The following CEP170 variants were observed in gnomAD, a reference collection of about 807,000 sequenced individuals.
The protein encoded by CEP170 is centrosomal protein of 170 kDa.
CEP170 carries 21 observed loss-of-function variants against 151.9 expected under a neutral mutation model. The ratio of observed to expected loss-of-function variants is 0.14; its 90% confidence interval spans 0.10 to 0.20. The LOEUF is 0.20. CEP170 is among the 10% of genes least tolerant of loss of function. CEP170 has a pLI of 1.00. For synonymous variants in CEP170, 356 were observed against 648.8 expected (o/e 0.55, Z 6.86); for missense variants, 964 against 1,892.9 (o/e 0.51, Z 9.11).
At chr1:243,252,372 A>G (rs1184670370) in intron 1 of CEP170, among the ~76,000 whole-genome samples, 1 of 152,190 alleles carries the variant, frequency 6.6e-6, no homozygotes, top group Non-Finnish European at 1.5e-5. Flanking sequence ...TTTTTCAGGA[A>G]TACAATTTTG....
intron 18 of CEP170, chr1:243,128,765 C>T (rs1372188688): frequency 6.5e-6 from 1 of 153,506 alleles, no homozygotes; most frequent in Non-Finnish European, 1.4e-5. Context: ...CAGAGTTTCG[C>T]CATATTGGCC....
At chr1:243,239,993 C>T (rs941557577) in intron 1 of CEP170, among the ~76,000 whole-genome samples, 1 of 152,144 alleles carries the variant, frequency 6.6e-6, no homozygotes, top group Non-Finnish European at 1.5e-5. Flanking sequence ...AGAAATCTGA[C>T]ATAAAATTCA....
At chr1:243,140,938 C>G (rs1276632981) in intron 15 of CEP170, among the ~76,000 whole-genome samples, 2 of 152,118 alleles carry the variant, frequency 1.3e-5, no homozygotes, top group Non-Finnish European at 2.9e-5. Context: ...GCCACCAGGA[C>G]GATCCTTAAG....
At chr1:243,152,290 C>T (rs1421958346) in intron 14 of CEP170, among the ~76,000 whole-genome samples, 1 of 150,458 alleles carries the variant, frequency 6.6e-6, no homozygotes, top group African/African-American at 2.5e-5. Flanking sequence ...GGCGCCATCT[C>T]GGGTCACTGC....
intron 1 of CEP170, among the ~76,000 whole-genome samples, chr1:243,231,686 A>T (rs2063776116): frequency 6.6e-6 from 1 of 152,222 alleles, no homozygotes; most frequent in Non-Finnish European, 1.5e-5. Flanking sequence ...AAAATACATT[A>T]AAAATATACA....
At chr1:243,229,760 C>T (rs1214524718) in intron 1 of CEP170, among the ~76,000 whole-genome samples, 4 of 152,146 alleles carry the variant, frequency 2.6e-5, no homozygotes, top group Admixed American at 1.3e-4. Flanking sequence ...TCAATACCCA[C>T]GGACCTAAGA....
chr1:243,172,221 G>T (rs568590472), intron 11 of CEP170, among the ~76,000 whole-genome samples: 1 of 152,224 alleles, frequency 6.6e-6, no homozygotes, highest in Admixed American at 6.5e-5. Context: ...AAAAATTAAA[G>T]TTGAATTACT....
At chr1:243,214,791 A>G (rs975164934) in intron 3 of CEP170, among the ~76,000 whole-genome samples, 5 of 152,202 alleles carry the variant, frequency 3.3e-5, no homozygotes, top group Admixed American at 2.6e-4. Context: ...ATATACCTTT[A>G]AACACCAGGA....
intron 17 of CEP170, among the ~76,000 whole-genome samples, chr1:243,133,650 T>C (rs997568943): frequency 6.6e-6 from 1 of 152,160 alleles, no homozygotes; most frequent in Non-Finnish European, 1.5e-5. Context: ...TCAGTTAGGC[T>C]TTACCCCAGG....
intron 4 of CEP170, among the ~76,000 whole-genome samples, chr1:243,205,938 A>G (rs965973197): frequency 6.6e-6 from 1 of 151,948 alleles, no homozygotes; most frequent in Non-Finnish European, 1.5e-5. Flanking sequence ...AAAAGAAAGA[A>G]GAAGAAAGAA....
At chr1:243,128,141 C>T in intron 19 of CEP170, 108 bp downstream of exon 19, 6 of 920,272 alleles carry the variant, frequency 6.5e-6, no homozygotes, top group Non-Finnish European at 9.3e-6. Context: ...TTATGTATGT[C>T]ATTACATTTA....
intron 17 of CEP170, chr1:243,135,792 T>C (rs1316222593): frequency 6.3e-6 from 1 of 157,570 alleles, no homozygotes; most frequent in African/African-American, 2.4e-5. Context: ...GCTGATAAAA[T>C]ATATTATTTC....
In CEP170 at chr1:243,182,667, A is replaced by C. The variant is rs547392318; in HGVS notation, c.1566+3112T>G. 7.0e-4 allele frequency among the ~76,000 whole-genome samples: 106 copies of C among 152,310 alleles called. 1 individual carries two copies. The highest frequency in any genetic ancestry group is 1.3e-3 in the Non-Finnish European group (88 of 68,000). Reference sequence around the variant, plus strand: ...AGTCCAATCTCATCTCTTCAAAAGTAACTGTGGTCCTCTGAACAAGTCATG... The same window carrying C: ...AGTCCAATCTCATCTCTTCAAAAGTCACTGTGGTCCTCTGAACAAGTCATG... On this transcript the variant is annotated intron_variant, in intron 10 of 19. Transcript: ENST00000366542.
intron 3 of CEP170, among the ~76,000 whole-genome samples, chr1:243,213,590 G>A (rs893987490): frequency 6.6e-6 from 1 of 151,820 alleles, no homozygotes; most frequent in Non-Finnish European, 1.5e-5. Context: ...TCTAATGCAA[G>A]AATCAATGAG....
intron 13 of CEP170, among the ~76,000 whole-genome samples, chr1:243,163,522 A>G (rs923885518): frequency 2.0e-5 from 3 of 152,254 alleles, no homozygotes; most frequent in Admixed American, 1.3e-4. Context: ...TCTGGTGGAA[A>G]GTAAGTAGTT....
intron 3 of CEP170, among the ~76,000 whole-genome samples, chr1:243,216,249 T>C (rs1364258658): frequency 6.6e-6 from 1 of 152,166 alleles, no homozygotes; most frequent in African/African-American, 2.4e-5. Context: ...ATGTGCACAA[T>C]GTGCAGGTTA....
chr1:243,248,931 C>T (rs778611996), intron 1 of CEP170, among the ~76,000 whole-genome samples: 3 of 152,150 alleles, frequency 2.0e-5, no homozygotes, highest in Non-Finnish European at 4.4e-5. Flanking sequence ...AACCACCGCA[C>T]CTGAGTAGAA....
chr1:243,162,248 A>T (rs7511721), intron 13 of CEP170, among the ~76,000 whole-genome samples: 46,817 of 152,066 alleles, frequency 0.31, 7,601 homozygotes, highest in South Asian at 0.48. Context: ...GTAAACACTG[A>T]AACTATTTCT....
chr1:243,160,095 T>A lies in CEP170; in HGVS notation c.3677-3640A>T, dbSNP rs1303077777. On this transcript the variant is annotated intron_variant, in intron 13 of 19. Coordinates refer to ENST00000366542, the MANE Select transcript of CEP170 (RefSeq NM_014812.3). ...TGAGACGCTGTGCCCAGCCAAGTTG[T>A]TTTAAAAAGACATCCTAAATTTCTC... Among the ~76,000 whole-genome samples, 12 of 152,266 alleles carry A rather than the reference T, an allele frequency of 7.9e-5. 1 individual carries two copies. Among genetic ancestry groups the A allele is most frequent in the Admixed American group, 7.2e-4 (11 of 15,294 alleles).
Sources: gnomAD v4.1 joint callset for allele counts (sites outside exome capture counted in the v4.1 genomes callset) on GRCh38, gnomAD v4.1.1 for gene constraint, MANE v1.5 for transcripts, NCBI Gene and HGNC (gene_info 2026-07-23, HGNC 2026-07-21) for gene names.